Variants in SVIL observed in about 807,000 individuals in gnomAD.
SVIL encodes supervillin, also known as archvillin.
SVIL carries 101 observed loss-of-function variants against 240.4 expected under a neutral mutation model. The ratio of observed to expected loss-of-function variants is 0.42; its 90% CI spans 0.36 to 0.50. The LOEUF is 0.50. SVIL is among the 20% of genes least tolerant of loss of function. The pLI is 0.01. For synonymous variants in SVIL, 999 were observed against 1,100.0 expected, an observed-to-expected ratio of 0.91 and a Z score of 1.82; for missense variants, 2,512 against 2,818.7, an observed-to-expected ratio of 0.89 and a Z score of 2.46.
intron 1 of SVIL, among the ~76,000 whole-genome samples, chr10:29,612,773 A>T (rs1338824080): frequency 3.3e-5 from 5 of 152,234 alleles, no homozygotes; most frequent in Non-Finnish European, 7.3e-5. Context: ...TGCTTTTCCT[A>T]GTCACAAACG....
intron 29 of SVIL, among the ~76,000 whole-genome samples, chr10:29,480,318 T>G (rs1317531449): frequency 2.0e-5 from 3 of 152,210 alleles, no homozygotes; most frequent in Non-Finnish European, 2.9e-5. Flanking sequence ...TTTCTACAGG[T>G]GAACACCAGC....
rs759815759 is a variant in SVIL at position 29,529,757 on chromosome 10, C to A, written c.2194G>T (p.Asp732Tyr). ...AVEQRLRRLQ[D>Y]RSLTQPITTE... ...GTGATGGGCTGGGTGAGGGACCTGT[C>A]CTGCAGACGGCGTAGCCTCTGCTCC... is the stretch of plus-strand genomic sequence containing the variant. Residue 732 changes from aspartate (D) to tyrosine (Y), a missense_variant, in exon 12 of 38, where the codon GAC becomes TAC. By Grantham distance (160) the Asp-to-Tyr change is radical. Around this residue, in one of 3 missense-constraint regions of SVIL, gnomAD observed 1,443 missense variants for 1,486.6 expected, o/e 0.97. Coordinates refer to ENST00000355867, the MANE Select transcript of SVIL (RefSeq NM_021738.3). 5.0e-6 allele frequency: 8 copies of A among 1,613,698 alleles called. No individual in the cohort carries two copies. In the African/African-American group the frequency reaches 1.1e-4, roughly 22 times the overall value.
At chr10:29,598,079 A>C (rs1185367282) in intron 1 of SVIL, among the ~76,000 whole-genome samples, 2 of 152,144 alleles carry the variant, frequency 1.3e-5, no homozygotes, top group Non-Finnish European at 2.9e-5. Context: ...TTTCAAAGGA[A>C]GGAAATTCTG....
intron 1 of SVIL, among the ~76,000 whole-genome samples, chr10:29,725,133 C>A (rs1964220334): frequency 6.6e-6 from 1 of 151,220 alleles, no homozygotes; most frequent in African/African-American, 2.4e-5. Flanking sequence ...GGTCAGAGGT[C>A]CGTCTTTCTA....
At chr10:29,688,440 C>T (rs1311170273) in intron 1 of SVIL, among the ~76,000 whole-genome samples, 1 of 152,234 alleles carries the variant, frequency 6.6e-6, no homozygotes, top group Non-Finnish European at 1.5e-5. Flanking sequence ...GCCTCGTTCC[C>T]TGCTTTCTTT....
intron 1 of SVIL, among the ~76,000 whole-genome samples, chr10:29,573,589 T>A (rs1955546331): frequency 6.6e-6 from 1 of 152,120 alleles, no homozygotes; most frequent in Non-Finnish European, 1.5e-5. Context: ...ACTATTATTA[T>A]CATTATTGTT....
At chr10:29,488,975 G>A (rs1387865907) in intron 22 of SVIL, among the ~76,000 whole-genome samples, 2 of 152,246 alleles carry the variant, frequency 1.3e-5, no homozygotes, top group Admixed American at 6.5e-5. Context: ...TTGTTGACAA[G>A]TGTCACTCCA....
intron 2 of SVIL, among the ~76,000 whole-genome samples, chr10:29,673,364 T>C (rs1959935215): frequency 6.6e-6 from 1 of 152,124 alleles, no homozygotes; most frequent in Admixed American, 6.5e-5. Context: ...ATGAATACTT[T>C]TTTTTTTTAA....
chr10:29,697,964 C>T, intron 1 of SVIL: 1 of 863,230 alleles, frequency 1.2e-6, no homozygotes. Context: ...ACTATTCGGA[C>T]AAATACGATG....
At chr10:29,485,170 C>G in intron 26 of SVIL, among the ~76,000 whole-genome samples, 1 of 151,894 alleles carries the variant, frequency 6.6e-6, no homozygotes. Context: ...TATTCCTCCC[C>G]CTCTCATGTG....
intron 1 of SVIL, among the ~76,000 whole-genome samples, chr10:29,606,589 T>C (rs1190180755): frequency 1.3e-5 from 2 of 152,206 alleles, no homozygotes; most frequent in Non-Finnish European, 1.5e-5. Flanking sequence ...TTTCCTTGTA[T>C]AACTATAATG....
At chr10:29,590,165 CAAAAAAAAAAAAAAAAAAA>C (rs58469441) in intron 1 of SVIL, among the ~76,000 whole-genome samples, 1 of 79,668 alleles carries the variant, frequency 1.3e-5, no homozygotes, top group Non-Finnish European at 2.2e-5. Flanking sequence ...GACTCCGTCT[CAAAAAAAAAAAAAAAAAAA>C]AAAAAAAAAA....
chr10:29,545,530 C>T (rs756270103), intron 6 of SVIL, among the ~76,000 whole-genome samples: 30 of 151,974 alleles, frequency 2.0e-4, no homozygotes, highest in Non-Finnish European at 3.2e-4. Flanking sequence ...AACTAATAAA[C>T]GAGGGTTTTC....
chr10:29,512,480 T>A (rs962691270), intron 17 of SVIL, among the ~76,000 whole-genome samples: 3 of 152,224 alleles, frequency 2.0e-5, no homozygotes, highest in Non-Finnish European at 2.9e-5. Context: ...GAAGAAAAAG[T>A]CCACACTTTA....
chr10:29,508,309 T>A, intron 17 of SVIL: 1 of 1,270,816 alleles, frequency 7.9e-7, no homozygotes, highest in Non-Finnish European at 1.0e-6. Flanking sequence ...CTGGCCACCA[T>A]CGAGAGGACA....
At chr10:29,556,139 CA>C (rs1953911335) in intron 3 of SVIL, among the ~76,000 whole-genome samples, 1 of 152,178 alleles carries the variant, frequency 6.6e-6, no homozygotes, top group Non-Finnish European at 1.5e-5. Flanking sequence ...ACTGAGATGC[CA>C]GACAACTGTT....
upstream of SVIL, among the ~76,000 whole-genome samples, chr10:29,636,758 A>G (rs888519334): frequency 2.6e-5 from 4 of 152,216 alleles, no homozygotes; most frequent in Non-Finnish European, 5.9e-5. Context: ...TCTACAGATT[A>G]ACAAAATTCC....
rs534143099 is a variant in SVIL at position 29,527,004 on chromosome 10, G to A, written c.2299C>T (p.Leu767Phe). 1.2e-6 allele frequency: 2 copies of A among 1,613,072 alleles called. No individual in the cohort carries two copies. The highest frequency in any genetic ancestry group is 1.7e-5 in the Admixed American group (1 of 59,816). ...CTCCTAGCTACAGTGGGGCTAGGAA[G>A]TCTCGCCATTACAGGGTGGGTGCCC... ...SGGTHPVMARLPSPTVARSAV... is the reference protein window; with the variant it reads ...SGGTHPVMARFPSPTVARSAV... Residue 767 changes from leucine (L) to phenylalanine (F), a missense_variant, in exon 13 of 38, where the codon CTT (leucine) becomes TTT (phenylalanine). Coordinates refer to ENST00000355867, the MANE Select transcript of SVIL (RefSeq NM_021738.3).
Position 29,702,761 on chromosome 10 carries a change from C to G in SVIL, c.-399-16110G>C, listed in dbSNP as rs1467154125. Among the ~76,000 whole-genome samples the G allele has an allele frequency of 2.0e-5, 3 of 152,288 alleles. No individual in the cohort carries two copies. In the East Asian group the frequency reaches 5.8e-4, roughly 29 times the overall value. ...GGACAATCTGCTCACCCAGATAGTT[C>G]CTGTCCCCACGCAGCTGTTCTCTGA... On this transcript the variant is annotated intron_variant, in intron 1 of 35. Coordinates refer to the SVIL transcript ENST00000375400.
Sources: allele counts gnomAD v4.1 joint callset (sites outside exome capture counted in the v4.1 genomes callset), GRCh38; gene constraint gnomAD v4.1.1; regional missense constraint gnomAD v4.1.1; transcripts MANE v1.5; gene names NCBI Gene and HGNC (gene_info 2026-07-23, HGNC 2026-07-21).